QKI: variants seen among roughly 807,000 people sequenced by gnomAD.
QKI encodes KH domain-containing RNA-binding protein QKI.
QKI carries 10 observed loss-of-function variants against 39.0 expected under a neutral mutation model. The observed-to-expected ratio is 0.26, with a 90% confidence interval of 0.16 to 0.43. QKI has a LOEUF of 0.43. Among genes scored for constraint, QKI ranks in the 20% least tolerant of loss-of-function variants. The pLI, the probability that QKI is intolerant of heterozygous loss-of-function variation, is 1.00. For missense variants in QKI, 218 were observed against 428.0 expected (o/e 0.51, Z 4.33); for synonymous variants, 204 against 155.4 (o/e 1.31, Z -2.33).
intron 3 of QKI, among the ~76,000 whole-genome samples, chr6:163,518,451 T>C (rs1437559653): frequency 2.0e-5 from 3 of 152,276 alleles, no homozygotes; most frequent in African/African-American, 7.2e-5. Flanking sequence ...TGTGGGTCCA[T>C]GTTCTTAGTT....
intron 3 of QKI, among the ~76,000 whole-genome samples, chr6:163,480,995 G>A (rs1793034602): frequency 1.3e-5 from 2 of 152,144 alleles, no homozygotes; most frequent in African/African-American, 2.4e-5. Flanking sequence ...CACAGACAAT[G>A]AGCATTAGAG....
At chr6:163,562,497 C>G (rs1783096470) in intron 5 of QKI, among the ~76,000 whole-genome samples, 1 of 152,128 alleles carries the variant, frequency 6.6e-6, no homozygotes, top group African/African-American at 2.4e-5. Flanking sequence ...TTTCACTTTG[C>G]TTGCATGTTT....
At chr6:163,427,269 GGCCACA>G (rs2128209640) in intron 1 of QKI, among the ~76,000 whole-genome samples, 1 of 59,376 alleles carries the variant, frequency 1.7e-5, no homozygotes, top group South Asian at 5.5e-4. Context: ...TTTTTTTGCT[GGCCACA>G]GCTAAACTAA....
At chr6:163,485,496 T>C (rs1777599235) in intron 3 of QKI, among the ~76,000 whole-genome samples, 1 of 152,212 alleles carries the variant, frequency 6.6e-6, no homozygotes, top group Admixed American at 6.5e-5. Flanking sequence ...TTTGGGTATA[T>C]ATATGCATGG....
intron 3 of QKI, among the ~76,000 whole-genome samples, chr6:163,502,213 C>T (rs1262942014): frequency 1.3e-5 from 2 of 151,876 alleles, no homozygotes; most frequent in Non-Finnish European, 2.9e-5. Flanking sequence ...TTCCCAACTA[C>T]TTGGGAGGCT....
intron 4 of QKI, 51 bp downstream of exon 4, chr6:163,535,176 G>T: frequency 6.7e-7 from 1 of 1,489,386 alleles, no homozygotes; most frequent in Non-Finnish European, 9.0e-7. Flanking sequence ...TTTTTTGTCA[G>T]TTTATTTTAA....
intron 3 of QKI, among the ~76,000 whole-genome samples, chr6:163,511,014 GCATGCTGGGCTTTGTA>G (rs1049747681): frequency 1.8e-4 from 27 of 152,202 alleles, no homozygotes; most frequent in African/African-American, 6.3e-4. Flanking sequence ...CCAAAACAGA[GCATGCTGGGCTTTGTA>G]CATGCTGGGC....
At chr6:163,445,691 T>C (rs1790100119) in intron 1 of QKI, among the ~76,000 whole-genome samples, 1 of 149,210 alleles carries the variant, frequency 6.7e-6, no homozygotes, top group African/African-American at 2.5e-5. Flanking sequence ...CTCGGCTCAC[T>C]CCAGGCTCCG....
chr6:163,536,127 T>A (rs1781190173), intron 4 of QKI, among the ~76,000 whole-genome samples: 1 of 152,204 alleles, frequency 6.6e-6, no homozygotes, highest in African/African-American at 2.4e-5. Flanking sequence ...AATTAATTCC[T>A]TGGAATAAAA....
At chr6:163,480,561 A>C (rs1007135300) in intron 3 of QKI, among the ~76,000 whole-genome samples, 2 of 152,186 alleles carry the variant, frequency 1.3e-5, no homozygotes, top group African/African-American at 2.4e-5. Context: ...GATTATTTAA[A>C]AATCTTATTA....
chr6:163,539,800 C>G (rs1157084898), intron 4 of QKI, among the ~76,000 whole-genome samples: 1 of 152,110 alleles, frequency 6.6e-6, no homozygotes, highest in Non-Finnish European at 1.5e-5. Flanking sequence ...TACTGTCCTG[C>G]CAGTATTGCA....
intron 3 of QKI, among the ~76,000 whole-genome samples, chr6:163,528,581 C>G (rs554328007): frequency 6.6e-6 from 1 of 152,116 alleles, no homozygotes; most frequent in Non-Finnish European, 1.5e-5. Flanking sequence ...TAGCATTGTC[C>G]TTGGCAAGCA....
chr6:163,427,614 G>C (rs1372685573), intron 1 of QKI, among the ~76,000 whole-genome samples: 1 of 151,818 alleles, frequency 6.6e-6, no homozygotes, highest in Non-Finnish European at 1.5e-5. Context: ...TTTACCTTAT[G>C]CTCAGCAGAC....
intron 1 of QKI, among the ~76,000 whole-genome samples, chr6:163,451,210 G>A (rs763868259): frequency 5.9e-5 from 9 of 152,232 alleles, no homozygotes; most frequent in Non-Finnish European, 1.0e-4. Context: ...AATGTCAGCA[G>A]TGTGCTGTGT....
intron 3 of QKI, among the ~76,000 whole-genome samples, chr6:163,525,621 A>G (rs1047494780): frequency 3.3e-5 from 5 of 152,074 alleles, no homozygotes; most frequent in South Asian, 4.2e-4. Context: ...CGCCTCGGCC[A>G]CCCAAAGTGC....
intron 3 of QKI, among the ~76,000 whole-genome samples, chr6:163,480,451 C>G (rs1175362641): frequency 1.3e-5 from 2 of 152,144 alleles, no homozygotes; most frequent in East Asian, 3.8e-4. Context: ...CGCCTCATGT[C>G]TTTTAAGCCC....
intron 4 of QKI, among the ~76,000 whole-genome samples, chr6:163,548,759 G>A (rs900795561): frequency 6.6e-6 from 1 of 152,126 alleles, no homozygotes; most frequent in Admixed American, 6.5e-5. Context: ...TAAGAAGTGA[G>A]CCAGGTTTAT....
At chr6:163,568,022 C>CA (rs1562554636) in intron 7 of QKI, 1 of 985,338 alleles carries the variant, frequency 1.0e-6, no homozygotes. Context: ...ATGTATTCAT[C>CA]ACTAACAGTG....
intron 2 of QKI, among the ~76,000 whole-genome samples, chr6:163,473,948 G>A (rs989664183): frequency 2.0e-5 from 3 of 152,066 alleles, no homozygotes; most frequent in African/African-American, 7.2e-5. Context: ...CAGAATGCCA[G>A]GAAACAATTT....
Sources: gnomAD v4.1 joint callset for allele counts (sites outside exome capture counted in the v4.1 genomes callset) on GRCh38, gnomAD v4.1.1 for gene constraint, MANE v1.5 for transcripts, NCBI Gene and HGNC (gene_info 2026-07-23, HGNC 2026-07-21) for gene names.